The following DOP1B variants were observed in gnomAD, a reference collection of about 807,000 sequenced individuals.
The protein encoded by DOP1B is DOP1 leucine zipper like protein B.
Under a neutral mutation model 233.5 loss-of-function variants are expected in DOP1B, and 174 were observed. That is an observed-to-expected ratio of 0.75 (90% CI 0.66 to 0.85). DOP1B has a LOEUF of 0.85. Ranked by LOEUF, DOP1B falls within the 40% of genes least tolerant of loss-of-function variation. DOP1B has a pLI of 0.00. For synonymous variants in DOP1B, 1,190 were observed against 1,185.6 expected (o/e 1.00, Z -0.08); for missense variants, 2,652 against 2,846.6 (o/e 0.93, Z 1.56).
chr21:36,223,752 A>G (rs1285527094), intron 11 of DOP1B, among the ~76,000 whole-genome samples: 10 of 152,166 alleles, frequency 6.6e-5, no homozygotes. Context: ...AACTGGTCAG[A>G]TAAAAGCATT....
chr21:36,192,226 G>A (rs535836878), intron 2 of DOP1B, among the ~76,000 whole-genome samples: 5 of 152,112 alleles, frequency 3.3e-5, no homozygotes, highest in African/African-American at 9.6e-5. Context: ...AGGCGTGGTG[G>A]TATACGCCTG....
chr21:36,189,157 T>C (rs901160680), intron 2 of DOP1B, among the ~76,000 whole-genome samples: 4 of 152,218 alleles, frequency 2.6e-5, no homozygotes, highest in Non-Finnish European at 5.9e-5. Context: ...AAAGATATTT[T>C]CTTGGGTGGA....
intron 13 of DOP1B, among the ~76,000 whole-genome samples, chr21:36,228,145 A>G (rs1394363588): frequency 6.6e-6 from 1 of 152,042 alleles, no homozygotes; most frequent in Non-Finnish European, 1.5e-5. Context: ...CCTGGGCAAC[A>G]TAGCAAGCCT....
intron 2 of DOP1B, among the ~76,000 whole-genome samples, chr21:36,194,686 C>T (rs1245868239): frequency 6.6e-6 from 1 of 151,978 alleles, no homozygotes; most frequent in South Asian, 2.1e-4. Context: ...AGGGTTTCAT[C>T]ATGTTGGCCA....
rs776361859 is a variant in DOP1B, at chr21:36,245,783, A to G, written c.3803A>G (p.Asp1268Gly). ...GAGGCTGTGTCCAGGACTAGCATGG[A>G]TACCAGCTCCACCGCGCACCTCAAC... ...FIEAVSRTSM[D>G]TSSTAHLNLI... Residue 1268 changes from aspartate (D) to glycine (G), a missense_variant, in exon 19 of 37, where the codon GAT (aspartate) becomes GGT (glycine). Physicochemically the swap from Asp to Gly is moderately conservative, Grantham distance 94. Transcript: ENST00000691173. The surrounding 1 kb of genome is among the most constrained non-coding windows in gnomAD (Gnocchi z 5.5). 11 of 1,613,854 alleles carry G rather than the reference A, an allele frequency of 6.8e-6. No individual in the cohort carries two copies. The highest frequency in any genetic ancestry group is 9.3e-6 in the Non-Finnish European group (11 of 1,180,010).
At chr21:36,228,207 A>T (rs2066715435) in intron 13 of DOP1B, among the ~76,000 whole-genome samples, 2 of 152,082 alleles carry the variant, frequency 1.3e-5, no homozygotes, top group South Asian at 4.1e-4. Flanking sequence ...CCACACCTGT[A>T]ATCCCAGCAC....
chr21:36,270,878 A>G (rs558149249), intron 27 of DOP1B, among the ~76,000 whole-genome samples: 529 of 148,482 alleles, frequency 3.6e-3, no homozygotes, highest in Non-Finnish European at 6.0e-3. Flanking sequence ...GTACCACTGC[A>G]CTCCAGCCTG....
chr21:36,256,554 T>C (rs2067099757), intron 23 of DOP1B, among the ~76,000 whole-genome samples: 1 of 152,094 alleles, frequency 6.6e-6, no homozygotes, highest in African/African-American at 2.4e-5. Flanking sequence ...AGCCAAAAGG[T>C]GGACGCAATC....
intron 10 of DOP1B, among the ~76,000 whole-genome samples, chr21:36,222,758 C>CA (rs1266647111): frequency 2.0e-5 from 3 of 151,704 alleles, no homozygotes; most frequent in African/African-American, 7.3e-5. Flanking sequence ...TTTTTTGAGA[C>CA]AGAGTCTCAC....
At chr21:36,207,995 C>G (rs780698697) in intron 4 of DOP1B, among the ~76,000 whole-genome samples, 5 of 152,220 alleles carry the variant, frequency 3.3e-5, no homozygotes, top group African/African-American at 4.8e-5. Context: ...GACGCTGCTT[C>G]TCTTAAAAGG....
At chr21:36,219,836 A>C (rs2066604853) in intron 10 of DOP1B, among the ~76,000 whole-genome samples, 1 of 151,494 alleles carries the variant, frequency 6.6e-6, no homozygotes, top group Admixed American at 6.6e-5. Flanking sequence ...TAGTATACCC[A>C]AGTGGTGAGT....
At chr21:36,201,261 A>G (rs1361382265) in intron 4 of DOP1B, among the ~76,000 whole-genome samples, 1 of 149,966 alleles carries the variant, frequency 6.7e-6, no homozygotes, top group Non-Finnish European at 1.5e-5. Flanking sequence ...TTTACAGGTG[A>G]GGGTCAGAGG....
At chr21:36,242,151 C>CATTATTGTTGTTATTATTATTATT (rs60892353) in intron 18 of DOP1B, among the ~76,000 whole-genome samples, 64 of 143,982 alleles carry the variant, frequency 4.4e-4, no homozygotes, top group East Asian at 4.2e-3. Flanking sequence ...GTTCCTTGGG[C>CATTATTGTTGTTATTATTATTATT]ATTATTATTA....
Position 36,185,948 on chromosome 21 carries a change from A to G in DOP1B, c.139-13122A>G, listed in dbSNP as rs924494790. Among the ~76,000 whole-genome samples, 3 of 152,204 alleles carry G rather than the reference A, an allele frequency of 2.0e-5. 1 individual carries two copies. The South Asian group carries it at 6.2e-4, about 32-fold the overall frequency. ...CCGGGCGTGGTGGCTCACACCTGTAATCCCAGCACTTTGGGTGGCCAAGGC... is the reference window on the plus strand; with the variant it reads ...CCGGGCGTGGTGGCTCACACCTGTAGTCCCAGCACTTTGGGTGGCCAAGGC... On this transcript the variant is annotated intron_variant, in intron 2 of 36. Transcript: ENST00000691173.
In DOP1B at chr21:36,273,288, T is replaced by TC. The variant is rs200576745; in HGVS notation, c.5632+3134dup. On this transcript the variant is annotated intron_variant, in intron 27 of 36. Transcript: ENST00000691173. ...CAGGTATGGTAGTGTGTGCCTGTAA[T>TC]CCCAGCTACCCGGGAGGCTGAGGCA... Among the ~76,000 whole-genome samples, 834 of 150,616 alleles carry TC rather than the reference T, an allele frequency of 5.5e-3. 3 individuals carry two copies. The highest frequency in any genetic ancestry group is 0.011 in the Middle Eastern group (3 of 284).
chr21:36,228,205 GT>G (rs944628704), intron 13 of DOP1B, among the ~76,000 whole-genome samples: 4 of 152,030 alleles, frequency 2.6e-5, no homozygotes, highest in Non-Finnish European at 5.9e-5. Context: ...GCCCACACCT[GT>G]AATCCCAGCA....
chr21:36,227,762 T>C lies in DOP1B; in HGVS notation c.1550T>C (p.Met517Thr), dbSNP rs1374580287. 6.2e-7 allele frequency: 1 copy of C among 1,613,698 alleles called. No homozygotes were observed. The highest frequency in any genetic ancestry group is 8.5e-7 in the Non-Finnish European group (1 of 1,179,632). ...CTGGTGCAGCCTCTTGCTGAGGACA[T>C]GGAGGCCTTAAGTTTACCTGAACTC... ...GCLVQPLAED[M>T]EALSLPELTH... is the part of the protein sequence containing the mutation. The change falls in exon 13 of 37, where the codon ATG (methionine) becomes ACG (threonine). Residue 517 changes from methionine (M) to threonine (T), a missense_variant. By Grantham distance (81) the Met-to-Thr change is moderately conservative. Coordinates refer to ENST00000691173, the MANE Select transcript of DOP1B (RefSeq NM_001320714.2).
intron 9 of DOP1B, 133 bp from the exon 10 acceptor site, chr21:36,219,239 G>A: frequency 8.4e-7 from 1 of 1,189,244 alleles, no homozygotes; most frequent in Non-Finnish European, 1.2e-6. Flanking sequence ...TTAAGTTTCT[G>A]TATATTTTAG....
Position 36,277,084 on chromosome 21 carries a change from T to C in DOP1B, c.5696T>C (p.Leu1899Pro). 6.2e-7 allele frequency: 1 copy of C among 1,613,962 alleles called. No homozygotes were observed. Among genetic ancestry groups the C allele is most frequent in the Non-Finnish European group, 8.5e-7 (1 of 1,179,938 alleles). The change falls in exon 28 of 37, where the codon CTC becomes CCC. Residue 1899 changes from leucine (L) to proline (P), a missense_variant. Leu to Pro is a moderately conservative substitution (Grantham distance 98). Transcript: ENST00000691173. ...CCGTCGGTGTACAGCGTGCAAGCCC[T>C]CTCTCTCCTGGCAGAGGTAAATACA... Reference protein sequence around the residue: ...SAPSVYSVQALSLLAEVLASL... With the variant: ...SAPSVYSVQAPSLLAEVLASL...
Sources: gnomAD v4.1 joint callset for allele counts (sites outside exome capture counted in the v4.1 genomes callset) on GRCh38, gnomAD v4.1.1 for gene constraint, Gnocchi (gnomAD v3.1) non-coding constraint, MANE v1.5 for transcripts, NCBI Gene and HGNC (gene_info 2026-07-23, HGNC 2026-07-21) for gene names.